Variants in CACNA2D3 observed in about 807,000 individuals in gnomAD.
CACNA2D3 encodes calcium voltage-gated channel auxiliary subunit alpha2delta 3.
A neutral mutation model predicts 160.6 loss-of-function variants in CACNA2D3; 60 were observed. The ratio of observed to expected loss-of-function variants is 0.37; its 90% CI spans 0.30 to 0.46. The LOEUF is 0.46. Among genes scored for constraint, CACNA2D3 ranks in the 20% least tolerant of loss-of-function variants. The pLI, the probability that CACNA2D3 is intolerant of heterozygous loss-of-function variation, is 1.00. For synonymous variants in CACNA2D3, 558 were observed against 492.9 expected (o/e 1.13, Z -1.75); for missense variants, 1,205 against 1,365.0 (o/e 0.88, Z 1.85).
At chr3:54,979,869 TAA>T (rs1332172552) in intron 29 of CACNA2D3, among the ~76,000 whole-genome samples, 1 of 152,188 alleles carries the variant, frequency 6.6e-6, no homozygotes, top group Non-Finnish European at 1.5e-5. Context: ...CTGTGGATGA[TAA>T]AAAGTCTTAG....
intron 5 of CACNA2D3, among the ~76,000 whole-genome samples, chr3:54,539,901 C>CCCTG (rs1340695534): frequency 4.1e-4 from 63 of 152,214 alleles, no homozygotes; most frequent in African/African-American, 1.5e-3. Context: ...GACGAGCAGG[C>CCCTG]CCTGCTTCTG....
intron 3 of CACNA2D3, among the ~76,000 whole-genome samples, chr3:54,323,288 T>TG (rs1276376433): frequency 4.6e-5 from 7 of 152,146 alleles, no homozygotes; most frequent in Non-Finnish European, 1.0e-4. Flanking sequence ...TGTGAACATT[T>TG]GAAGAGCAAA....
At chr3:54,723,017 C>T (rs879903137) in intron 11 of CACNA2D3, among the ~76,000 whole-genome samples, 1 of 152,230 alleles carries the variant, frequency 6.6e-6, no homozygotes, top group African/African-American at 2.4e-5. Context: ...GCCAGGTACT[C>T]TGTCCCAGAG....
At chr3:54,843,543 G>C (rs1698866968) in intron 16 of CACNA2D3, among the ~76,000 whole-genome samples, 1 of 152,188 alleles carries the variant, frequency 6.6e-6, no homozygotes, top group Non-Finnish European at 1.5e-5. Flanking sequence ...ACTCAGGCAG[G>C]GGCCAGACCC....
intron 17 of CACNA2D3, among the ~76,000 whole-genome samples, chr3:54,861,833 T>C (rs1559607846): frequency 1.3e-5 from 2 of 152,216 alleles, no homozygotes; most frequent in African/African-American, 4.8e-5. Context: ...CCTGCCTGTG[T>C]TTCCATGGTC....
intron 2 of CACNA2D3, among the ~76,000 whole-genome samples, chr3:54,253,837 G>T (rs761724057): frequency 1.3e-5 from 2 of 151,862 alleles, no homozygotes; most frequent in Non-Finnish European, 2.9e-5. Context: ...GCACCATCTC[G>T]GCTCGCTGCA....
chr3:54,978,056 A>G (rs1702430031), intron 29 of CACNA2D3, among the ~76,000 whole-genome samples: 3 of 152,026 alleles, frequency 2.0e-5, no homozygotes, highest in Admixed American at 1.3e-4. Context: ...AGCAGTGAGG[A>G]TGATCAGAGT....
chr3:54,162,397 C>A (rs918955155), intron 2 of CACNA2D3, among the ~76,000 whole-genome samples: 2 of 152,076 alleles, frequency 1.3e-5, no homozygotes, highest in African/African-American at 4.8e-5. Context: ...TGTACTGGAA[C>A]CTCAGCTGGG....
At chr3:54,521,185 C>T (rs948250383) in intron 5 of CACNA2D3, among the ~76,000 whole-genome samples, 1 of 152,102 alleles carries the variant, frequency 6.6e-6, no homozygotes, top group Non-Finnish European at 1.5e-5. Flanking sequence ...ACTATCAAAG[C>T]GGCTGCATCA....
chr3:54,674,122 A>G (rs1700201485), intron 11 of CACNA2D3, among the ~76,000 whole-genome samples: 1 of 152,220 alleles, frequency 6.6e-6, no homozygotes, highest in Non-Finnish European at 1.5e-5. Flanking sequence ...AGGCTGTTGA[A>G]ACTATTTGGG....
intron 4 of CACNA2D3, among the ~76,000 whole-genome samples, chr3:54,472,470 C>T (rs890405560): frequency 2.0e-5 from 3 of 152,070 alleles, no homozygotes; most frequent in African/African-American, 7.2e-5. Flanking sequence ...GAAGCATTCC[C>T]TTTGAAAACC....
At position 54,928,669 on chromosome 3, in the gene CACNA2D3, C is replaced by CTGCTTGCT. The variant is rs750974664; in HGVS notation, c.2449+28818_2449+28825dup. ...TCTGGTGCCACAAATAACTTCTCAG[C>CTGCTTGCT]TGCTTGCTTGCTTGCTTGCTTGCTG... On this transcript the variant is annotated intron_variant, in intron 27 of 37. Coordinates refer to ENST00000474759, the MANE Select transcript of CACNA2D3 (RefSeq NM_018398.3). Among the ~76,000 whole-genome samples the CTGCTTGCT allele has an allele frequency of 5.3e-5, 8 of 152,220 alleles. 1 individual carries two copies. The highest frequency in any genetic ancestry group is 1.9e-4 in the African/African-American group (8 of 41,544).
rs553175930 is a variant in CACNA2D3 at position 54,357,546 on chromosome 3, A to G, written c.322-29169A>G. On this transcript the variant is annotated intron_variant, in intron 3 of 37. Coordinates refer to ENST00000474759, the MANE Select transcript of CACNA2D3 (RefSeq NM_018398.3). ...ATGGGACTACACATACTCTTACCAT[A>G]TGATCCAGCAATTGAGCTCTTTTGT... 6.6e-5 allele frequency among the ~76,000 whole-genome samples: 10 copies of G among 152,348 alleles called. No homozygotes were observed. The South Asian group carries it at 2.1e-3, about 32-fold the overall frequency.
chr3:54,870,791 A>G (rs1347390008), intron 17 of CACNA2D3, among the ~76,000 whole-genome samples: 1 of 152,194 alleles, frequency 6.6e-6, no homozygotes, highest in African/African-American at 2.4e-5. Flanking sequence ...TGCTTAGTTC[A>G]GTACTGCTGT....
intron 2 of CACNA2D3, among the ~76,000 whole-genome samples, chr3:54,247,606 A>G (rs1052740947): frequency 3.3e-5 from 5 of 152,216 alleles, no homozygotes; most frequent in Non-Finnish European, 7.3e-5. Context: ...TTGTAAATAT[A>G]AAAAATAGAC....
intron 27 of CACNA2D3, among the ~76,000 whole-genome samples, chr3:54,967,891 A>G (rs1451510922): frequency 6.6e-6 from 1 of 152,182 alleles, no homozygotes; most frequent in Non-Finnish European, 1.5e-5. Flanking sequence ...AAAAAATTAC[A>G]TAATTTTACC....
chr3:54,767,823 T>A (rs761664938), intron 13 of CACNA2D3, among the ~76,000 whole-genome samples: 3 of 152,102 alleles, frequency 2.0e-5, no homozygotes, highest in Non-Finnish European at 2.9e-5. Context: ...CTGGGACAAT[T>A]TGAGCCTCAA....
rs189041868 is a variant in CACNA2D3 at position 54,153,999 on chromosome 3, A to C, written c.204+30405A>C. ...AATAAGATGGTAGACTATAATCAAT[A>C]ATTGAATTCTAGACCTAGTCCTAGC... is the stretch of plus-strand genomic sequence containing the variant. On this transcript the variant is annotated intron_variant, in intron 2 of 37. Transcript: ENST00000474759. 1.4e-3 allele frequency among the ~76,000 whole-genome samples: 216 copies of C among 152,320 alleles called. 2 individuals carry two copies. Among genetic ancestry groups the C allele is most frequent in the African/African-American group, 4.9e-3 (204 of 41,570 alleles).
At chr3:54,465,044 C>G (rs59903212) in intron 4 of CACNA2D3, among the ~76,000 whole-genome samples, 1 of 151,644 alleles carries the variant, frequency 6.6e-6, no homozygotes, top group East Asian at 1.9e-4. Context: ...AATTTCTTTT[C>G]TTTTCTTCTC....
Sources: gnomAD v4.1 joint callset for allele counts (sites outside exome capture counted in the v4.1 genomes callset) on GRCh38, gnomAD v4.1.1 for gene constraint, MANE v1.5 for transcripts, NCBI Gene and HGNC (gene_info 2026-07-23, HGNC 2026-07-21) for gene names.